Variants in CCDC178 observed in about 807,000 individuals in gnomAD.
CCDC178 encodes the protein coiled-coil domain containing 178.
Under a neutral mutation model 117.4 loss-of-function variants are expected in CCDC178, and 126 were observed. The observed-to-expected ratio is 1.07, with a 90% CI of 0.93 to 1.24. CCDC178 has a LOEUF of 1.24. Among genes scored for constraint, CCDC178 ranks in the 50% most tolerant of loss-of-function variants. The pLI, the probability that CCDC178 is intolerant of heterozygous loss-of-function variation, is 0.00. For missense variants in CCDC178, 1,030 were observed against 986.9 expected, an observed-to-expected ratio of 1.04 and a Z score of -0.59; for synonymous variants, 283 against 313.4, an observed-to-expected ratio of 0.90 and a Z score of 1.02.
intron 20 of CCDC178, among the ~76,000 whole-genome samples, chr18:33,096,223 G>A (rs565304379): frequency 1.7e-3 from 245 of 148,118 alleles, no homozygotes; most frequent in Non-Finnish European, 3.3e-3. Context: ...ATCTCTCACT[G>A]GGTAAATGGG....
intron 3 of CCDC178, among the ~76,000 whole-genome samples, chr18:33,400,868 A>C (rs141885933): frequency 9.2e-5 from 14 of 152,310 alleles, no homozygotes; most frequent in African/African-American, 2.2e-4. Flanking sequence ...AGCTTTCAAC[A>C]TGCCTTTCTC....
intron 20 of CCDC178, among the ~76,000 whole-genome samples, chr18:33,167,844 G>A (rs1199624179): frequency 1.3e-5 from 2 of 151,632 alleles, no homozygotes. Flanking sequence ...TCCAGCCTGG[G>A]TGAGAGAGTG....
intron 21 of CCDC178, among the ~76,000 whole-genome samples, chr18:33,068,364 A>C (rs2057053989): frequency 6.6e-6 from 1 of 152,272 alleles, no homozygotes; most frequent in East Asian, 1.9e-4. Context: ...AGGACACAAC[A>C]AATAAAGAAA....
chr18:33,020,572 G>T (rs543733727), intron 21 of CCDC178, among the ~76,000 whole-genome samples: 1 of 152,168 alleles, frequency 6.6e-6, no homozygotes, highest in Admixed American at 6.5e-5. Context: ...AAGTAGTTGT[G>T]AATGTATGTG....
At chr18:33,031,535 T>TTTATTAAAGTACAGAAAAACGCAC (rs2056343124) in intron 21 of CCDC178, among the ~76,000 whole-genome samples, 1 of 152,158 alleles carries the variant, frequency 6.6e-6, no homozygotes, top group Non-Finnish European at 1.5e-5. Context: ...TTTTATGTCT[T>TTTATTAAAGTACAGAAAAACGCAC]TTATTAAAGT....
At chr18:33,014,965 C>G (rs888509363) in intron 21 of CCDC178, among the ~76,000 whole-genome samples, 1 of 152,000 alleles carries the variant, frequency 6.6e-6, no homozygotes, top group Non-Finnish European at 1.5e-5. Flanking sequence ...TGGAAAGAAA[C>G]AGGAAAGAGG....
intron 20 of CCDC178, among the ~76,000 whole-genome samples, chr18:33,185,626 G>A (rs541730761): frequency 4.6e-5 from 7 of 152,010 alleles, no homozygotes; most frequent in South Asian, 4.2e-4. Flanking sequence ...CAAGGAGATC[G>A]CAGTAAACAA....
At chr18:33,070,918 C>T (rs544360561) in intron 21 of CCDC178, among the ~76,000 whole-genome samples, 60 of 152,004 alleles carry the variant, frequency 3.9e-4, no homozygotes, top group African/African-American at 1.4e-3. Context: ...AGTATAAATT[C>T]ATTGAGACAC....
intron 15 of CCDC178, among the ~76,000 whole-genome samples, chr18:33,241,946 A>C (rs1166543382): frequency 6.6e-6 from 1 of 151,784 alleles, no homozygotes; most frequent in Non-Finnish European, 1.5e-5. Flanking sequence ...ACCCCAAAAG[A>C]CTTCAAATTA....
At chr18:33,003,843 A>G (rs934409021) in intron 21 of CCDC178, among the ~76,000 whole-genome samples, 1 of 152,168 alleles carries the variant, frequency 6.6e-6, no homozygotes, top group South Asian at 2.1e-4. Context: ...GCAGGACTCA[A>G]AATCAACATA....
chr18:33,101,433 A>T (rs908858838), intron 20 of CCDC178, among the ~76,000 whole-genome samples: 12 of 151,966 alleles, frequency 7.9e-5, no homozygotes, highest in African/African-American at 2.6e-4. Context: ...ATACATTTCT[A>T]CTTCACTGGC....
At chr18:33,026,275 C>T (rs555287875) in intron 21 of CCDC178, among the ~76,000 whole-genome samples, 3 of 152,074 alleles carry the variant, frequency 2.0e-5, no homozygotes, top group East Asian at 1.9e-4. Flanking sequence ...TGTTAATCAG[C>T]ATTTTGTATT....
At chr18:33,357,915 C>T (rs548688015) in intron 6 of CCDC178, among the ~76,000 whole-genome samples, 124 of 151,690 alleles carry the variant, frequency 8.2e-4, no homozygotes, top group African/African-American at 2.9e-3. Context: ...GACAGTGATA[C>T]ATTCTCAGAA....
intron 12 of CCDC178, among the ~76,000 whole-genome samples, chr18:33,273,580 T>C (rs1349262778): frequency 2.6e-5 from 4 of 151,752 alleles, no homozygotes; most frequent in Middle Eastern, 3.4e-3. Context: ...TAATTACCAA[T>C]TGATTTTAAC....
intron 20 of CCDC178, among the ~76,000 whole-genome samples, chr18:33,160,553 A>G (rs1220878772): frequency 1.3e-5 from 2 of 152,164 alleles, no homozygotes; most frequent in Admixed American, 6.6e-5. Flanking sequence ...TCCTTTAGTC[A>G]TAGGACACAG....
At chr18:33,091,610 T>C (rs1204408293) in intron 21 of CCDC178, among the ~76,000 whole-genome samples, 1 of 152,064 alleles carries the variant, frequency 6.6e-6, no homozygotes, top group East Asian at 1.9e-4. Context: ...CACTTGTACC[T>C]TGATGTATCT....
chr18:33,021,691 G>T (rs745616584), intron 21 of CCDC178, among the ~76,000 whole-genome samples: 9 of 152,180 alleles, frequency 5.9e-5, no homozygotes, highest in African/African-American at 9.7e-5. Context: ...CTCACCTCAT[G>T]TTTATTCCTC....
intron 5 of CCDC178, among the ~76,000 whole-genome samples, chr18:33,382,065 T>C (rs2063444666): frequency 6.6e-6 from 1 of 152,162 alleles, no homozygotes; most frequent in Non-Finnish European, 1.5e-5. Flanking sequence ...GATCTTAAAC[T>C]TGTATTCAAG....
intron 18 of CCDC178, 67 bp downstream of exon 18, chr18:33,223,039 T>G (rs1353186415): frequency 8.4e-7 from 1 of 1,189,890 alleles, no homozygotes; most frequent in Non-Finnish European, 1.2e-6. Flanking sequence ...TTAAACTTGC[T>G]TGAATAGTTT....
Sources: allele counts gnomAD v4.1 joint callset (sites outside exome capture counted in the v4.1 genomes callset), GRCh38; gene constraint gnomAD v4.1.1; transcripts MANE v1.5; gene names NCBI Gene and HGNC (gene_info 2026-07-23, HGNC 2026-07-21).